GPHN: variants seen among roughly 807,000 people sequenced by gnomAD.
GPHN encodes the protein gephyrin.
Under a neutral mutation model 95.5 loss-of-function variants are expected in GPHN, and 17 were observed. That is an observed-to-expected ratio of 0.18 (90% CI 0.12 to 0.27). GPHN has a LOEUF of 0.27. Among genes scored for constraint, GPHN ranks in the 10% least tolerant of loss-of-function variants. The pLI, the probability that GPHN is intolerant of heterozygous loss-of-function variation, is 1.00. For missense variants in GPHN, 660 were observed against 978.1 expected (o/e 0.67, Z 4.34); for synonymous variants, 320 against 322.5 (o/e 0.99, Z 0.08).
At chr14:66,527,997 C>T (rs746096808) in intron 1 of GPHN, among the ~76,000 whole-genome samples, 3 of 152,118 alleles carry the variant, frequency 2.0e-5, no homozygotes, top group African/African-American at 4.8e-5. Flanking sequence ...TGGTCCAGAG[C>T]TGAGTTCAAG....
At chr14:67,144,250 AATATATATATATATATATATAT>A (rs71129810) in intron 18 of GPHN, among the ~76,000 whole-genome samples, 6 of 57,772 alleles carry the variant, frequency 1.0e-4, no homozygotes, top group Non-Finnish European at 1.7e-4. Context: ...AAAAAAAAAA[AATATATATATATATATATATAT>A]ATATATATAT....
the GPHN span, chr14:67,574,452 G>C: frequency 7.1e-7 from 1 of 1,403,288 alleles, no homozygotes; most frequent in African/African-American, 1.4e-5. This position sits in a 1 kb window ranked among gnomAD's most constrained non-coding sequence, Gnocchi z 4.2. Context: ...CTGCGAATCA[G>C]GGGAGCCAGG....
chr14:66,673,671 A>G (rs1566796983), intron 1 of GPHN, among the ~76,000 whole-genome samples: 1 of 152,170 alleles, frequency 6.6e-6, no homozygotes. Flanking sequence ...CTTTACCTTC[A>G]TTTATTTCTT....
At chr14:66,729,777 C>T (rs1443460031) in intron 2 of GPHN, among the ~76,000 whole-genome samples, 5 of 152,072 alleles carry the variant, frequency 3.3e-5, no homozygotes, top group African/African-American at 4.8e-5. Context: ...AGGTGGAATA[C>T]GTTGAAAATA....
At chr14:66,807,621 C>G (rs2060598611) in intron 3 of GPHN, among the ~76,000 whole-genome samples, 3 of 152,204 alleles carry the variant, frequency 2.0e-5, no homozygotes, top group Admixed American at 1.3e-4. Flanking sequence ...TTCTGAACTT[C>G]CCAGTTACTA....
the GPHN span, chr14:67,320,348 T>C: frequency 1.2e-6 from 2 of 1,612,906 alleles, no homozygotes; most frequent in East Asian, 2.2e-5. Flanking sequence ...ATGAATTGCG[T>C]CAGAGGCTCA....
chr14:66,980,202 C>T (rs566475429), intron 9 of GPHN, among the ~76,000 whole-genome samples: 1 of 152,146 alleles, frequency 6.6e-6, no homozygotes, highest in African/African-American at 2.4e-5. Flanking sequence ...ACGATAGATT[C>T]GCTTAACACA....
chr14:67,306,084 T>C, the GPHN span, among the ~76,000 whole-genome samples: 1 of 152,244 alleles, frequency 6.6e-6, no homozygotes, highest in Non-Finnish European at 1.5e-5. Flanking sequence ...GTTCTCCTGC[T>C]TCAGCCTCCC....
intron 5 of GPHN, among the ~76,000 whole-genome samples, chr14:66,907,560 T>A (rs1374747348): frequency 6.7e-6 from 1 of 148,502 alleles, no homozygotes; most frequent in Non-Finnish European, 1.5e-5. Context: ...GAAGGCTTAA[T>A]ATATGCAAAT....
chr14:67,064,868 T>A (rs1199162016), intron 11 of GPHN, among the ~76,000 whole-genome samples: 1 of 151,980 alleles, frequency 6.6e-6, no homozygotes, highest in Non-Finnish European at 1.5e-5. Flanking sequence ...ATTTTGTCGA[T>A]CCTTTCAAAA....
At chr14:67,634,968 GCGCACGGTGGCTCA>G in the GPHN span, among the ~76,000 whole-genome samples, 1 of 152,200 alleles carries the variant, frequency 6.6e-6, no homozygotes, top group Non-Finnish European at 1.5e-5. Flanking sequence ...CTTTGGCTGG[GCGCACGGTGGCTCA>G]CGCCTGTAAT....
At chr14:67,198,280 C>CT in the GPHN span, 1 of 1,613,768 alleles carries the variant, frequency 6.2e-7, no homozygotes, top group Non-Finnish European at 8.5e-7. Flanking sequence ...GAGTATGCCC[C>CT]TTTTGTATCT....
chr14:67,673,292 C>T, the GPHN span, among the ~76,000 whole-genome samples: 14 of 151,682 alleles, frequency 9.2e-5, no homozygotes, highest in South Asian at 2.5e-3. Flanking sequence ...TGCAGTGAGC[C>T]GAGATCGTGC....
At chr14:67,439,687 T>A in the GPHN span, among the ~76,000 whole-genome samples, 1 of 152,096 alleles carries the variant, frequency 6.6e-6, no homozygotes, top group Non-Finnish European at 1.5e-5. Flanking sequence ...TGATGTTTTC[T>A]CCAGTTTAGC....
chr14:67,160,814 T>C (rs751148205), intron 19 of GPHN, among the ~76,000 whole-genome samples: 4 of 152,196 alleles, frequency 2.6e-5, no homozygotes, highest in Non-Finnish European at 4.4e-5. Context: ...AAGTACCTCA[T>C]GTCAGTTCTA....
At chr14:66,689,091 A>T (rs183346646) in intron 2 of GPHN, among the ~76,000 whole-genome samples, 1 of 152,322 alleles carries the variant, frequency 6.6e-6, no homozygotes, top group East Asian at 1.9e-4. Context: ...AGAAAGTGGT[A>T]AAAGTGAGCA....
At chr14:67,678,354 G>C in the GPHN span, 1 of 1,614,064 alleles carries the variant, frequency 6.2e-7, no homozygotes. Flanking sequence ...GGTCACAACT[G>C]ACGTCCCACA....
intron 3 of GPHN, among the ~76,000 whole-genome samples, chr14:66,798,382 A>G (rs2060230388): frequency 6.6e-6 from 1 of 151,962 alleles, no homozygotes; most frequent in South Asian, 2.1e-4. Context: ...TAGTGTGAAT[A>G]GAATTGGTAT....
At chr14:66,875,654 CAAAG>C (rs1483966627) in intron 4 of GPHN, among the ~76,000 whole-genome samples, 2 of 151,646 alleles carry the variant, frequency 1.3e-5, no homozygotes, top group African/African-American at 4.9e-5. Flanking sequence ...TCAAAAAAGA[CAAAG>C]AAGGGCATTA....
Sources: gnomAD v4.1 joint callset for allele counts (sites outside exome capture counted in the v4.1 genomes callset) on GRCh38, gnomAD v4.1.1 for gene constraint, Gnocchi (gnomAD v3.1) non-coding constraint, MANE v1.5 for transcripts, NCBI Gene and HGNC (gene_info 2026-07-23, HGNC 2026-07-21) for gene names.